FHOD3: variants seen among roughly 807,000 people sequenced by gnomAD.
The protein encoded by FHOD3 is formin homology 2 domain containing 3.
A neutral mutation model predicts 173.0 loss-of-function variants in FHOD3; 90 were observed. The ratio of observed to expected loss-of-function variants is 0.52; its 90% CI spans 0.44 to 0.62. The LOEUF (loss-of-function observed/expected upper bound fraction) is 0.62, where lower values mean the gene tolerates loss of function less well. Ranked by LOEUF, FHOD3 falls within the 20% of genes least tolerant of loss-of-function variation. The pLI is 0.00. For missense variants in FHOD3, 1,945 were observed against 2,034.7 expected (o/e 0.96, Z 0.85); for synonymous variants, 828 against 823.0 (o/e 1.01, Z -0.10).
chr18:36,435,404 T>A (rs546132231), intron 3 of FHOD3, among the ~76,000 whole-genome samples: 1 of 152,188 alleles, frequency 6.6e-6, no homozygotes, highest in Non-Finnish European at 1.5e-5. Flanking sequence ...AAAGAAAGAA[T>A]CCAGTTAAAG....
intron 17 of FHOD3, among the ~76,000 whole-genome samples, chr18:36,698,992 T>G (rs760744826): frequency 1.3e-5 from 2 of 152,144 alleles, no homozygotes. Flanking sequence ...ACATTGTCTT[T>G]ATTACAGTGG....
chr18:36,596,928 G>A (rs554711720), intron 7 of FHOD3, among the ~76,000 whole-genome samples: 1 of 152,298 alleles, frequency 6.6e-6, no homozygotes, highest in East Asian at 1.9e-4. Context: ...AGTCAATTAG[G>A]TATAAGGTCA....
At chr18:36,696,841 A>T (rs1430367411) in intron 17 of FHOD3, among the ~76,000 whole-genome samples, 1 of 152,222 alleles carries the variant, frequency 6.6e-6, no homozygotes, top group Non-Finnish European at 1.5e-5. Context: ...GAATTAATGG[A>T]GTCAGCCAGC....
intron 25 of FHOD3, among the ~76,000 whole-genome samples, chr18:36,755,973 C>G (rs2042618949): frequency 6.6e-6 from 1 of 152,172 alleles, no homozygotes. Flanking sequence ...CCCCATCTCT[C>G]CTGTCTCAGC....
intron 6 of FHOD3, among the ~76,000 whole-genome samples, chr18:36,587,717 C>G (rs953392011): frequency 4.6e-5 from 7 of 151,944 alleles, no homozygotes; most frequent in Admixed American, 6.6e-5. Context: ...CTTGAACCCT[C>G]GAGGTGGAGG....
chr18:36,317,325 T>C (rs1684446765), intron 1 of FHOD3, among the ~76,000 whole-genome samples: 1 of 152,226 alleles, frequency 6.6e-6, no homozygotes, highest in African/African-American at 2.4e-5. Flanking sequence ...GTTGAACTAA[T>C]TTACACTCCC....
At chr18:36,547,025 T>C (rs966921786) in intron 5 of FHOD3, among the ~76,000 whole-genome samples, 4 of 152,174 alleles carry the variant, frequency 2.6e-5, no homozygotes, top group African/African-American at 9.7e-5. Context: ...CTGACCCCGC[T>C]GAGGGTGGAG....
chr18:36,394,820 A>G (rs2048474206), intron 3 of FHOD3, among the ~76,000 whole-genome samples: 2 of 152,206 alleles, frequency 1.3e-5, no homozygotes, highest in African/African-American at 4.8e-5. Context: ...GTTCACTGCT[A>G]CTGGATTGTC....
chr18:36,432,016 C>T (rs2050576985), intron 3 of FHOD3, among the ~76,000 whole-genome samples: 1 of 152,166 alleles, frequency 6.6e-6, no homozygotes, highest in Non-Finnish European at 1.5e-5. Flanking sequence ...GTCCTGTCTC[C>T]CTTTGGTGAT....
chr18:36,673,805 G>T (rs956029428), intron 14 of FHOD3, among the ~76,000 whole-genome samples: 2 of 152,064 alleles, frequency 1.3e-5, no homozygotes, highest in African/African-American at 2.4e-5. Context: ...TTGCTTCACG[G>T]ACAGAAATCC....
chr18:36,777,758 GC>G (rs1324846833), intron 28 of FHOD3: 1 of 152,134 alleles, frequency 6.6e-6, no homozygotes, highest in Non-Finnish European at 1.5e-5. Flanking sequence ...GTCTTGTTGA[GC>G]CAAACATTCA....
At chr18:36,374,636 A>G (rs1216609576) in intron 3 of FHOD3, among the ~76,000 whole-genome samples, 1 of 152,228 alleles carries the variant, frequency 6.6e-6, no homozygotes, top group African/African-American at 2.4e-5. Context: ...TACTCTTCAT[A>G]AGCATCTTCA....
At chr18:36,425,751 T>G (rs2050208432) in intron 3 of FHOD3, among the ~76,000 whole-genome samples, 1 of 152,196 alleles carries the variant, frequency 6.6e-6, no homozygotes, top group Non-Finnish European at 1.5e-5. Context: ...ATGTATATGG[T>G]TAATGCTCAG....
chr18:36,751,044 G>T (rs2042382565), intron 24 of FHOD3, among the ~76,000 whole-genome samples: 1 of 152,170 alleles, frequency 6.6e-6, no homozygotes, highest in East Asian at 1.9e-4. Flanking sequence ...GATAGGAATA[G>T]CATTGAATCT....
At chr18:36,532,361 A>G (rs1383855898) in intron 5 of FHOD3, among the ~76,000 whole-genome samples, 2 of 152,098 alleles carry the variant, frequency 1.3e-5, no homozygotes, top group African/African-American at 2.4e-5. Context: ...CACTTCCCTC[A>G]AGTCTCACCC....
intron 9 of FHOD3, 142 bp from the exon 10 acceptor site, chr18:36,625,369 C>T: frequency 3.0e-6 from 2 of 660,254 alleles, no homozygotes; most frequent in Non-Finnish European, 4.6e-6. Context: ...GTTGTGAAGA[C>T]CTGGCAGGGA....
chr18:36,669,493 G>A (rs1009733570), intron 14 of FHOD3, among the ~76,000 whole-genome samples: 6 of 151,480 alleles, frequency 4.0e-5, no homozygotes, highest in South Asian at 2.1e-4. Flanking sequence ...TCTTCCTTTT[G>A]GGGGGTTGCA....
At chr18:36,666,280 T>C (rs999260216) in intron 14 of FHOD3, among the ~76,000 whole-genome samples, 1 of 152,244 alleles carries the variant, frequency 6.6e-6, no homozygotes, top group African/African-American at 2.4e-5. Context: ...ATGATGGCTG[T>C]CTTCAGGATT....
At chr18:36,567,168 C>T (rs1443638277) in intron 5 of FHOD3, among the ~76,000 whole-genome samples, 1 of 152,176 alleles carries the variant, frequency 6.6e-6, no homozygotes, top group Non-Finnish European at 1.5e-5. Context: ...TCCTTCAGTC[C>T]TGCTTCCAGC....
Sources: allele counts gnomAD v4.1 joint callset (sites outside exome capture counted in the v4.1 genomes callset), GRCh38; gene constraint gnomAD v4.1.1; transcripts MANE v1.5; gene names NCBI Gene and HGNC (gene_info 2026-07-23, HGNC 2026-07-21).